The following PHAX variants were observed in gnomAD, a reference collection of about 807,000 sequenced individuals.
PHAX encodes the protein phosphorylated adaptor for RNA export, also known as phosphorylated adapter RNA export protein.
Under a neutral mutation model 41.6 loss-of-function variants are expected in PHAX, and 31 were observed. The ratio of observed to expected loss-of-function variants is 0.75; its 90% confidence interval spans 0.56 to 1.01. The LOEUF (loss-of-function observed/expected upper bound fraction) is 1.01, where lower values mean the gene tolerates loss of function less well. Among genes scored for constraint, PHAX ranks in the 50% least tolerant of loss-of-function variants. The pLI is 0.00. For synonymous variants in PHAX, 175 were observed against 164.9 expected, an observed-to-expected ratio of 1.06 and a Z score of -0.47; for missense variants, 453 against 472.9, an observed-to-expected ratio of 0.96 and a Z score of 0.39.
intron 4 of PHAX, 141 bp from the exon 5 acceptor site, chr5:126,624,434 T>A (rs1581424324): frequency 2.8e-6 from 2 of 710,206 alleles, no homozygotes; most frequent in East Asian, 5.3e-5. Context: ...CTTAATATCT[T>A]GAACTCCATC....
At position 126,604,127 on chromosome 5, in the gene PHAX, A is replaced by T; in HGVS notation, c.654A>T (p.Arg218=). ...GNRPEMNYKG[R]YEITAEDSQE... Reference sequence around the variant, plus strand: ...GACCAGAAATGAACTATAAAGGTCGATACGAGATCACAGCGGAAGATTCTC... The same window carrying T: ...GACCAGAAATGAACTATAAAGGTCGTTACGAGATCACAGCGGAAGATTCTC... Residue 218 remains arginine, a synonymous_variant, in exon 2 of 5, where the codon CGA becomes CGT. Coordinates refer to ENST00000297540, the MANE Select transcript of PHAX (RefSeq NM_032177.4). The T allele has an allele frequency of 6.3e-7, 1 of 1,584,462 alleles. No individual in the cohort carries two copies. The highest frequency in any genetic ancestry group is 1.1e-5 in the South Asian group (1 of 86,958).
At chr5:126,615,484 G>C (rs138928796) in intron 3 of PHAX, among the ~76,000 whole-genome samples, 61 of 146,886 alleles carry the variant, frequency 4.2e-4, no homozygotes, top group African/African-American at 1.5e-3. Context: ...GTCTATTTTA[G>C]TGCCATCTTT....
rs1375053204 is a variant in PHAX, at chr5:126,626,749, A to T, written c.*1905A>T. 3.3e-5 allele frequency: 5 copies of T among 151,152 alleles called. 1 individual carries two copies. In the East Asian group the frequency reaches 9.7e-4, roughly 29 times the overall value. The allele number at this position is 151,152 out of a possible 1,614,324, so 9.4% of individuals were successfully genotyped here. On this transcript the variant is annotated 3_prime_UTR_variant, in exon 5 of 5. Coordinates refer to ENST00000297540, the MANE Select transcript of PHAX (RefSeq NM_032177.4). ...AGACTCCCTCTCAAAAAAAAAAAAAAAAATACAAAAAATTAGCCGGGCATT... is the reference window on the plus strand; with the variant it reads ...AGACTCCCTCTCAAAAAAAAAAAAATAAATACAAAAAATTAGCCGGGCATT...
chr5:126,605,750 C>A (rs1366830373), intron 2 of PHAX, among the ~76,000 whole-genome samples: 1 of 152,160 alleles, frequency 6.6e-6, no homozygotes, highest in East Asian at 1.9e-4. Flanking sequence ...CTTTTATGAA[C>A]TGTTAAACAA....
At chr5:126,606,979 A>G (rs1188302494) in intron 2 of PHAX, among the ~76,000 whole-genome samples, 2 of 152,190 alleles carry the variant, frequency 1.3e-5, no homozygotes, top group Admixed American at 1.3e-4. Flanking sequence ...CTTTCAGGTA[A>G]ATACCCAGAA....
At position 126,608,551 on chromosome 5, in the gene PHAX, T is replaced by C; in HGVS notation, c.831+67T>C. The C allele has an allele frequency of 4.6e-6, 4 of 876,728 alleles. No individual in the cohort carries two copies. The South Asian group carries it at 6.4e-5, about 14-fold the overall frequency. 54.3% of individuals were successfully genotyped at this position (876,728 alleles called of 1,614,324 possible). A position where few individuals can be genotyped will look rare whatever the true frequency, so the allele number is the denominator to read the frequency against. ...TGTGTTTTTGTTTTTGATTACAAATTTAACTTTGCCCTTGTTGGATCTGTG... is the reference window on the plus strand; with the variant it reads ...TGTGTTTTTGTTTTTGATTACAAATCTAACTTTGCCCTTGTTGGATCTGTG... On this transcript the variant is annotated intron_variant, in intron 3 of 4. Coordinates refer to ENST00000297540, the MANE Select transcript of PHAX (RefSeq NM_032177.4).
At chr5:126,621,166 A>G (rs778008100) in intron 4 of PHAX, among the ~76,000 whole-genome samples, 1 of 152,190 alleles carries the variant, frequency 6.6e-6, no homozygotes, top group Non-Finnish European at 1.5e-5. Flanking sequence ...CTGGGATTAC[A>G]GGTGTGAGCC....
chr5:126,605,475 G>A (rs1006575509), intron 2 of PHAX, among the ~76,000 whole-genome samples: 2 of 151,968 alleles, frequency 1.3e-5, no homozygotes, highest in Non-Finnish European at 2.9e-5. Context: ...TCACTGCAAC[G>A]TCCCCTCATG....
chr5:126,617,778 C>A (rs977478486), intron 4 of PHAX, among the ~76,000 whole-genome samples: 7 of 152,164 alleles, frequency 4.6e-5, no homozygotes, highest in African/African-American at 1.7e-4. Context: ...GTGCTCCCAG[C>A]CAGCCTTTTA....
intron 4 of PHAX, among the ~76,000 whole-genome samples, chr5:126,622,754 T>A (rs1752291518): frequency 6.6e-6 from 1 of 152,150 alleles, no homozygotes; most frequent in Non-Finnish European, 1.5e-5. Flanking sequence ...CTTCTTCATA[T>A]TCTTTGAATT....
At chr5:126,613,330 C>G (rs547401374) in intron 3 of PHAX, among the ~76,000 whole-genome samples, 1 of 152,236 alleles carries the variant, frequency 6.6e-6, no homozygotes, top group East Asian at 1.9e-4. Flanking sequence ...TCCTGGGCAA[C>G]AAGAACATGA....
intron 4 of PHAX, among the ~76,000 whole-genome samples, chr5:126,617,967 A>G (rs1268875360): frequency 1.3e-5 from 2 of 151,308 alleles, no homozygotes. Flanking sequence ...TCCCCTTGAG[A>G]CAGGGTCTAA....
At chr5:126,613,111 G>A (rs1752130839) in intron 3 of PHAX, among the ~76,000 whole-genome samples, 1 of 152,202 alleles carries the variant, frequency 6.6e-6, no homozygotes, top group African/African-American at 2.4e-5. Flanking sequence ...CATTTTGGGA[G>A]GCTGAGACGG....
At chr5:126,601,130 G>A in intron 1 of PHAX, 72 bp downstream of exon 1, 1 of 1,134,802 alleles carries the variant, frequency 8.8e-7, no homozygotes. Flanking sequence ...CGCGCAGGCA[G>A]CGGTGAGGGT....
intron 3 of PHAX, among the ~76,000 whole-genome samples, chr5:126,609,095 ATTTT>A (rs761125079): frequency 1.5e-4 from 15 of 101,236 alleles, no homozygotes; most frequent in Admixed American, 3.7e-4. Flanking sequence ...TAGGGGTTGA[ATTTT>A]TTTTTTTTTT....
At chr5:126,613,858 C>T (rs1283216643) in intron 3 of PHAX, among the ~76,000 whole-genome samples, 10 of 151,672 alleles carry the variant, frequency 6.6e-5, no homozygotes, top group Admixed American at 6.6e-4. Flanking sequence ...TCACTGCAGC[C>T]TCGACCTCCC....
chr5:126,614,391 C>T (rs1561681435), intron 3 of PHAX, among the ~76,000 whole-genome samples: 1 of 152,036 alleles, frequency 6.6e-6, no homozygotes. Flanking sequence ...ACACCCAACC[C>T]GTGAGTCACC....
At chr5:126,616,226 G>T (rs564976460) in intron 3 of PHAX, among the ~76,000 whole-genome samples, 1 of 152,132 alleles carries the variant, frequency 6.6e-6, no homozygotes, top group Non-Finnish European at 1.5e-5. Flanking sequence ...CCAAGTAGCT[G>T]GGATTACAGA....
intron 1 of PHAX, among the ~76,000 whole-genome samples, chr5:126,601,296 T>C (rs1751894864): frequency 6.6e-6 from 1 of 151,872 alleles, no homozygotes; most frequent in Non-Finnish European, 1.5e-5. Flanking sequence ...CGGCAGCGGC[T>C]GGCCGTGCGA....
Sources: allele counts gnomAD v4.1 joint callset (sites outside exome capture counted in the v4.1 genomes callset), GRCh38; gene constraint gnomAD v4.1.1; transcripts MANE v1.5; gene names NCBI Gene and HGNC (gene_info 2026-07-23, HGNC 2026-07-21).